Variants in PLCG1 observed in about 807,000 individuals in gnomAD.
PLCG1 encodes the protein phospholipase C gamma 1, also known as 1-phosphatidylinositol 4,5-bisphosphate phosphodiesterase gamma-1.
PLCG1 carries 71 observed loss-of-function variants against 177.8 expected under a neutral mutation model. The ratio of observed to expected loss-of-function variants is 0.40; its 90% CI spans 0.33 to 0.49. The LOEUF (loss-of-function observed/expected upper bound fraction) is 0.49, where lower values mean the gene tolerates loss of function less well. Ranked by LOEUF, PLCG1 falls within the 20% of genes least tolerant of loss-of-function variation. The pLI is 0.72. For synonymous variants in PLCG1, 658 were observed against 647.9 expected (o/e 1.02, Z -0.24); for missense variants, 1,281 against 1,709.0 (o/e 0.75, Z 4.42).
chr20:41,168,060 G>A (rs2035762311), intron 20 of PLCG1, 131 bp downstream of exon 20: 6 of 701,854 alleles, frequency 8.5e-6, no homozygotes, highest in Admixed American at 4.5e-5. Flanking sequence ...GGCCCAAGAG[G>A]TTGTGAGAGA....
chr20:41,138,828 C>T (rs2034710411), intron 1 of PLCG1, among the ~76,000 whole-genome samples: 1 of 152,112 alleles, frequency 6.6e-6, no homozygotes, highest in African/African-American at 2.4e-5. Context: ...AACCCCAGAT[C>T]TTTGAGAGTT....
rs2035564079 is a variant in PLCG1 at position 41,163,033 on chromosome 20, C to T, written c.716+41C>T. On this transcript the variant is annotated intron_variant, in intron 7 of 31. Coordinates refer to ENST00000685551, the MANE Select transcript of PLCG1 (RefSeq NM_002660.3). This position sits in a 1 kb window ranked among gnomAD's most constrained non-coding sequence, Gnocchi z 5.2. Reference sequence around the variant, plus strand: ...GGGAGGTGGGGTTTTCCCTGGGCCCCCTTCATCTCTCCACTGGGCGATTCT... The same window carrying T: ...GGGAGGTGGGGTTTTCCCTGGGCCCTCTTCATCTCTCCACTGGGCGATTCT... The T allele has an allele frequency of 1.2e-6, 2 of 1,600,278 alleles. No homozygotes were observed. Among genetic ancestry groups the T allele is most frequent in the African/African-American group, 1.3e-5 (1 of 74,628 alleles).
chr20:41,164,042 G>A lies in PLCG1; in HGVS notation c.1096+36G>A, dbSNP rs2035602682. ...TCCAGGGCTGGGGGAGGGAAGATGG[G>A]AGGCCTGCCCGCTTGACCATGGTGA... On this transcript the variant is annotated intron_variant, in intron 11 of 31. Coordinates refer to ENST00000685551, the MANE Select transcript of PLCG1 (RefSeq NM_002660.3). This position sits in a 1 kb window ranked among gnomAD's most constrained non-coding sequence, Gnocchi z 6.4. 1.9e-6 allele frequency: 3 copies of A among 1,614,056 alleles called. No individual in the cohort carries two copies. Among genetic ancestry groups the A allele is most frequent in the African/African-American group, 2.7e-5 (2 of 74,908 alleles).
Position 41,148,885 on chromosome 20 carries a change from A to G in PLCG1, c.218-10721A>G, listed in dbSNP as rs561632787. Among the ~76,000 whole-genome samples the G allele has an allele frequency of 6.6e-6, 1 of 152,144 alleles. No homozygotes were observed. The highest frequency in any genetic ancestry group is 1.5e-5 in the Non-Finnish European group (1 of 68,024). ...TAGGGTACAGGCAGTCTTGGCTTTG[A>G]AGTATTGTTGGCTTTGCCACTCACC... On this transcript the variant is annotated intron_variant, in intron 1 of 31. Transcript: ENST00000685551. The surrounding 1 kb of genome is among the most constrained non-coding windows in gnomAD (Gnocchi z 4.3).
Position 41,174,807 on chromosome 20 carries a change from T to C in PLCG1, c.*298T>C. 2.3e-6 allele frequency: 1 copy of C among 425,940 alleles called. No homozygotes were observed. Among genetic ancestry groups the C allele is most frequent in the South Asian group, 2.4e-5 (1 of 41,970 alleles). The allele number at this position is 425,940 out of a possible 1,614,324, so 26.4% of individuals were successfully genotyped here. A position where few individuals can be genotyped will look rare whatever the true frequency, so the allele number is the denominator to read the frequency against. ...CTTCCATCTTGTGGGGCCAGGACCA[T>C]GGCCGAAGCCCCTTGGAGAGAGAGG... On this transcript the variant is annotated 3_prime_UTR_variant, in exon 32 of 32. Transcript: ENST00000685551. The surrounding 1 kb of genome is among the most constrained non-coding windows in gnomAD (Gnocchi z 5.8).
At chr20:41,149,649 G>A (rs2035104847) in intron 1 of PLCG1, among the ~76,000 whole-genome samples, 1 of 152,212 alleles carries the variant, frequency 6.6e-6, no homozygotes, top group African/African-American at 2.4e-5. Context: ...TGAATTATCT[G>A]TACATAGGAG....
Position 41,174,882 on chromosome 20 carries a change from A to G in PLCG1, c.*373A>G, listed in dbSNP as rs41283256. On this transcript the variant is annotated 3_prime_UTR_variant, in exon 32 of 32. Coordinates refer to ENST00000685551, the MANE Select transcript of PLCG1 (RefSeq NM_002660.3). The surrounding 1 kb of genome is among the most constrained non-coding windows in gnomAD (Gnocchi z 5.8). Reference sequence around the variant, plus strand: ...ACTCCAAGGAGCTACTGACATTCCTAAGAGTGGAGGAGGAGGAGGAGCCTT... The same window carrying G: ...ACTCCAAGGAGCTACTGACATTCCTGAGAGTGGAGGAGGAGGAGGAGCCTT... 251 of 232,128 alleles carry G rather than the reference A, an allele frequency of 1.1e-3. No individual in the cohort carries two copies. The highest frequency in any genetic ancestry group is 2.2e-3 in the Admixed American group (43 of 19,240). The allele number at this position is 232,128 out of a possible 1,614,324, so 14.4% of individuals were successfully genotyped here.
At position 41,165,621 on chromosome 20, in the gene PLCG1, G is replaced by A. The variant is rs1600664915; in HGVS notation, c.1612-18G>A. 3.1e-6 allele frequency: 5 copies of A among 1,612,374 alleles called. No individual in the cohort carries two copies. In the East Asian group the frequency reaches 8.9e-5, roughly 29 times the overall value. ...GGGCCAGGGTCACAGTATCTTTGCT[G>A]TTGCCTTCCCCTGACAGGTCAGCAG... On this transcript the variant is annotated intron_variant, in intron 15 of 31. Transcript: ENST00000685551. This position sits in a 1 kb window ranked among gnomAD's most constrained non-coding sequence, Gnocchi z 6.6.
In PLCG1 at chr20:41,175,741, T is replaced by G. The variant is rs1330212797; in HGVS notation, c.*1232T>G. 6.6e-6 allele frequency: 1 copy of G among 152,628 alleles called. No homozygotes were observed. Among genetic ancestry groups the G allele is most frequent in the Non-Finnish European group, 1.5e-5 (1 of 68,024 alleles). The allele number at this position is 152,628 out of a possible 1,614,324, so 9.5% of individuals were successfully genotyped here. ...TTTTTCCTTTGACTTGTATGCTCTTTCGGGGGCTCAGGAAAGCCTGTTGCA... is the reference window on the plus strand; with the variant it reads ...TTTTTCCTTTGACTTGTATGCTCTTGCGGGGGCTCAGGAAAGCCTGTTGCA... On this transcript the variant is annotated 3_prime_UTR_variant, in exon 32 of 32. Transcript: ENST00000685551.
At chr20:41,145,570 G>GTT (rs1180352014) in intron 1 of PLCG1, among the ~76,000 whole-genome samples, 1 of 152,152 alleles carries the variant, frequency 6.6e-6, no homozygotes, top group South Asian at 2.1e-4. Flanking sequence ...GCTGCCCAGA[G>GTT]TTTGAGTTTC....
rs1264471643 is a variant in PLCG1, at chr20:41,177,022, CCT to C, written c.*2517_*2518del. ...GCCTTAGCATAGGTATTGTTCAAAA[CCT>C]CTCAAGGTGATTTAAATGAGTAACA... On this transcript the variant is annotated 3_prime_UTR_variant, in exon 32 of 32. Transcript: ENST00000685551. The C allele has an allele frequency of 6.6e-6, 1 of 152,230 alleles. No homozygotes were observed. Among genetic ancestry groups the C allele is most frequent in the Non-Finnish European group, 1.5e-5 (1 of 68,044 alleles). The allele number at this position is 152,230 out of a possible 1,614,324, so 9.4% of individuals were successfully genotyped here. A position where few individuals can be genotyped will look rare whatever the true frequency, so the allele number is the denominator to read the frequency against.
At position 41,164,103 on chromosome 20, in the gene PLCG1, T is replaced by C; in HGVS notation, c.1119T>C (p.Asp373=). 1.2e-6 allele frequency: 2 copies of C among 1,614,156 alleles called. No individual in the cohort carries two copies. The highest frequency in any genetic ancestry group is 1.7e-6 in the Non-Finnish European group (2 of 1,180,038). ...CAGTGGACTGCTGGGACGGCCCGGA[T>C]GGGATGCCAGTTATTTACCATGGGC... ...CIELDCWDGP[D]GMPVIYHGHT... is the part of the protein sequence containing the mutation. The change falls in exon 12 of 32, where the codon GAT becomes GAC. Residue 373 remains aspartate (D), a synonymous_variant. Transcript: ENST00000685551. The surrounding 1 kb of genome is among the most constrained non-coding windows in gnomAD (Gnocchi z 6.4).
At chr20:41,145,472 C>T (rs757096851) in intron 1 of PLCG1, among the ~76,000 whole-genome samples, 2 of 152,130 alleles carry the variant, frequency 1.3e-5, no homozygotes, top group Non-Finnish European at 2.9e-5. Flanking sequence ...GTCATCTCTG[C>T]CATAGCTGCC....
intron 23 of PLCG1, 195 bp downstream of exon 23, chr20:41,169,721 T>C: frequency 1.7e-6 from 1 of 596,108 alleles, no homozygotes; most frequent in Non-Finnish European, 3.0e-6. Flanking sequence ...CCCCTGCATG[T>C]TTACCTATGC....
At position 41,173,868 on chromosome 20, in the gene PLCG1, T is replaced by G; in HGVS notation, c.3556+55T>G. On this transcript the variant is annotated intron_variant, in intron 29 of 31. Coordinates refer to ENST00000685551, the MANE Select transcript of PLCG1 (RefSeq NM_002660.3). This position sits in a 1 kb window ranked among gnomAD's most constrained non-coding sequence, Gnocchi z 6.2. ...TGCAATCTTGCTGGCAGGGTGGGGCTGGGCCCCTTGCTCTGTCCCTCGTGG... is the reference window on the plus strand; with the variant it reads ...TGCAATCTTGCTGGCAGGGTGGGGCGGGGCCCCTTGCTCTGTCCCTCGTGG... 6.2e-7 allele frequency: 1 copy of G among 1,609,480 alleles called. No homozygotes were observed. Among genetic ancestry groups the G allele is most frequent in the Non-Finnish European group, 8.5e-7 (1 of 1,176,050 alleles).
Position 41,174,208 on chromosome 20 carries a change from C to T in PLCG1, c.3730C>T (p.Arg1244Ter), listed in dbSNP as rs756437887. Residue 1244 changes from arginine (R) to a stop codon, truncating the protein, a stop_gained, in exon 31 of 32, where the codon CGA (arginine) becomes TGA (stop). Transcript: ENST00000685551. LOFTEE classifies it high-confidence loss of function. This position sits in a 1 kb window ranked among gnomAD's most constrained non-coding sequence, Gnocchi z 5.8. ...TGCCTCAGGCCAGCTGTTTCATGGCCGAGCCCGGGAAGGCTCCTTTGAATC... is the reference window on the plus strand; with the variant it reads ...TGCCTCAGGCCAGCTGTTTCATGGCTGAGCCCGGGAAGGCTCCTTTGAATC... Reference protein sequence around the residue: ...SDASGQLFHGRAREGSFESRY... With the variant: ...SDASGQLFHG 8 of 1,614,024 alleles carry T rather than the reference C, an allele frequency of 5.0e-6. No homozygotes were observed. Among genetic ancestry groups the T allele is most frequent in the Non-Finnish European group, 6.8e-6 (8 of 1,180,038 alleles).
chr20:41,162,602 C>A, intron 5 of PLCG1, 40 bp from the exon 6 acceptor site: 1 of 1,605,532 alleles, frequency 6.2e-7, no homozygotes, highest in East Asian at 2.2e-5. Context: ...CAGCTGGGGG[C>A]CTGACTGCCT....
intron 1 of PLCG1, among the ~76,000 whole-genome samples, chr20:41,158,651 C>T (rs1425345779): frequency 1.3e-5 from 2 of 152,188 alleles, no homozygotes; most frequent in Non-Finnish European, 2.9e-5. Context: ...TTGTGTTACT[C>T]TTATGTTACT....
In PLCG1 at chr20:41,173,111, C is replaced by CT. The variant is rs1246863595; in HGVS notation, c.3279+242dup. On this transcript the variant is annotated intron_variant, in intron 27 of 31. Coordinates refer to ENST00000685551, the MANE Select transcript of PLCG1 (RefSeq NM_002660.3). This position sits in a 1 kb window ranked among gnomAD's most constrained non-coding sequence, Gnocchi z 6.2. Reference sequence around the variant, plus strand: ...ATGACTTGTTTTGTTCTGATGAGATCTTTTTTTTCCCTAAGGGGAGGTCAT... The same window carrying CT: ...ATGACTTGTTTTGTTCTGATGAGATCTTTTTTTTTCCCTAAGGGGAGGTCAT... Among the ~76,000 whole-genome samples, 3 of 152,030 alleles carry CT rather than the reference C, an allele frequency of 2.0e-5. No homozygotes were observed. The highest frequency in any genetic ancestry group is 3.9e-4 in the East Asian group (2 of 5,164).
Sources: allele counts gnomAD v4.1 joint callset (sites outside exome capture counted in the v4.1 genomes callset), GRCh38; gene constraint gnomAD v4.1.1; non-coding constraint Gnocchi (gnomAD v3.1); transcripts MANE v1.5; gene names NCBI Gene and HGNC (gene_info 2026-07-23, HGNC 2026-07-21).